AHCYL1: variants seen among roughly 807,000 people sequenced by gnomAD.
AHCYL1 encodes adenosylhomocysteinase like 1.
In AHCYL1, 20 loss-of-function variants were observed where a neutral mutation model predicts 79.3. The ratio of observed to expected loss-of-function variants is 0.25; its 90% confidence interval spans 0.18 to 0.37. The LOEUF (loss-of-function observed/expected upper bound fraction) is 0.37. Among genes scored for constraint, AHCYL1 ranks in the 10% least tolerant of loss-of-function variants. AHCYL1 has a pLI of 1.00. For synonymous variants in AHCYL1, 223 were observed against 242.2 expected (o/e 0.92, Z 0.74); for missense variants, 330 against 673.6 (o/e 0.49, Z 5.65).
intron 10 of AHCYL1, 146 bp from the exon 11 acceptor site, chr1:110,017,800 G>C (rs763919814): frequency 1.1e-6 from 1 of 918,112 alleles, no homozygotes; most frequent in African/African-American, 1.7e-5. Flanking sequence ...AGAGGCCAGT[G>C]TATATAGTTT....
chr1:109,987,689 C>G (rs1230451719), intron 1 of AHCYL1, among the ~76,000 whole-genome samples: 1 of 152,162 alleles, frequency 6.6e-6, no homozygotes, highest in Non-Finnish European at 1.5e-5. Context: ...GCATAAATAT[C>G]TAGATTCTTC....
chr1:109,995,843 T>C (rs769208667), intron 1 of AHCYL1: 3 of 248,614 alleles, frequency 1.2e-5, no homozygotes, highest in Non-Finnish European at 1.9e-5. Context: ...CTTCACCAGA[T>C]AAACTTGAAA....
intron 1 of AHCYL1, chr1:109,985,449 G>C: frequency 8.7e-7 from 1 of 1,145,770 alleles, no homozygotes; most frequent in Non-Finnish European, 1.1e-6. Flanking sequence ...CCTGGATGAA[G>C]GGCCTCGAAG....
Position 110,019,129 on chromosome 1 carries a change from A to T in AHCYL1, c.1386+10A>T, listed in dbSNP as rs1557776698. ...CACAGCCACAACACAGGTATGTGGCAAAATGCCTGCTTACACTGCACTGCA... is the reference window on the plus strand; with the variant it reads ...CACAGCCACAACACAGGTATGTGGCTAAATGCCTGCTTACACTGCACTGCA... On this transcript the variant is annotated intron_variant, in intron 14 of 16. Transcript: ENST00000369799. 1 of 1,613,220 alleles carries T rather than the reference A, an allele frequency of 6.2e-7. No homozygotes were observed. Among genetic ancestry groups the T allele is most frequent in the South Asian group, 1.1e-5 (1 of 91,080 alleles).
intron 4 of AHCYL1, 109 bp downstream of exon 4, chr1:110,012,571 T>C: frequency 1.1e-6 from 1 of 900,472 alleles, no homozygotes; most frequent in Non-Finnish European, 1.6e-6. Context: ...ATGCTAACTA[T>C]TAATAGGATC....
intron 1 of AHCYL1, among the ~76,000 whole-genome samples, chr1:110,003,722 C>T (rs1650461479): frequency 6.6e-6 from 1 of 152,008 alleles, no homozygotes; most frequent in South Asian, 2.1e-4. Context: ...GGTCAGGCAA[C>T]TAGGTAGGTA....
chr1:109,988,550 T>G (rs907347320), intron 1 of AHCYL1, among the ~76,000 whole-genome samples: 3 of 152,142 alleles, frequency 2.0e-5, no homozygotes, highest in African/African-American at 7.2e-5. Context: ...CTGTGTCAAG[T>G]TGATTCTTTT....
At chr1:109,996,523 T>C (rs1037540282) in intron 1 of AHCYL1, among the ~76,000 whole-genome samples, 34 of 152,210 alleles carry the variant, frequency 2.2e-4, no homozygotes, top group African/African-American at 6.8e-4. Flanking sequence ...TTCTTAACCA[T>C]TGGGGGTTTG....
intron 6 of AHCYL1, among the ~76,000 whole-genome samples, chr1:110,015,202 T>G (rs1347826588): frequency 2.6e-5 from 4 of 152,232 alleles, no homozygotes; most frequent in African/African-American, 9.6e-5. Flanking sequence ...GTGATTAGCT[T>G]AATACTCATC....
At chr1:109,992,408 CAAA>C (rs57891226) in intron 1 of AHCYL1, among the ~76,000 whole-genome samples, 7 of 72,754 alleles carry the variant, frequency 9.6e-5, no homozygotes, top group East Asian at 3.8e-4. Context: ...GACTCCGTCT[CAAA>C]AAAAAAAAAA....
At chr1:110,015,562 G>A in intron 7 of AHCYL1, 31 bp downstream of exon 7, 1 of 1,588,826 alleles carries the variant, frequency 6.3e-7, no homozygotes, top group Non-Finnish European at 8.6e-7. Context: ...TGCCCCTTGT[G>A]TCCTTGCCTC....
chr1:110,019,526 T>C, intron 14 of AHCYL1, 22 bp from the exon 15 acceptor site: 1 of 1,583,442 alleles, frequency 6.3e-7, no homozygotes, highest in East Asian at 2.2e-5. Flanking sequence ...TTGTGCTTTC[T>C]GGCCTTCTTT....
At chr1:110,016,622 T>A (rs1651437577) in intron 8 of AHCYL1, 45 bp from the exon 9 acceptor site, 1 of 1,612,128 alleles carries the variant, frequency 6.2e-7, no homozygotes, top group African/African-American at 1.3e-5. Flanking sequence ...AGGGACTGAG[T>A]TTGAGCTATT....
intron 1 of AHCYL1, chr1:110,004,208 GC>G (rs1484957767): frequency 5.1e-6 from 5 of 985,524 alleles, no homozygotes; most frequent in East Asian, 1.1e-4. Context: ...GCGGGAGTCG[GC>G]GGGGGAAGAT....
chr1:110,018,122 T>C, intron 11 of AHCYL1, 106 bp downstream of exon 11: 1 of 1,258,908 alleles, frequency 7.9e-7, no homozygotes, highest in Non-Finnish European at 1.1e-6. Context: ...TATAAAGGTC[T>C]CAGAACTAGA....
chr1:109,988,257 G>T (rs1649573568), intron 1 of AHCYL1, among the ~76,000 whole-genome samples: 2 of 152,202 alleles, frequency 1.3e-5, no homozygotes, highest in African/African-American at 4.8e-5. Flanking sequence ...TCACGGGAAT[G>T]TCTTAATAGC....
intron 5 of AHCYL1, among the ~76,000 whole-genome samples, chr1:110,013,768 G>A (rs905282016): frequency 2.0e-5 from 3 of 150,878 alleles, no homozygotes; most frequent in Non-Finnish European, 4.4e-5. Context: ...GAAAATCACC[G>A]TGAAGTTTCT....
chr1:109,999,561 C>G (rs1434192368), intron 1 of AHCYL1, among the ~76,000 whole-genome samples: 4 of 152,122 alleles, frequency 2.6e-5, no homozygotes, highest in African/African-American at 4.8e-5. Flanking sequence ...TCTACCATAA[C>G]TATGAAACCA....
intron 1 of AHCYL1, among the ~76,000 whole-genome samples, chr1:110,003,241 C>T (rs1157390192): frequency 1.3e-5 from 2 of 152,020 alleles, no homozygotes; most frequent in Non-Finnish European, 2.9e-5. Context: ...GGAGAATATT[C>T]TTATTCTTAG....
Sources: allele counts gnomAD v4.1 joint callset (sites outside exome capture counted in the v4.1 genomes callset), GRCh38; gene constraint gnomAD v4.1.1; transcripts MANE v1.5; gene names NCBI Gene and HGNC (gene_info 2026-07-23, HGNC 2026-07-21).